The following CEP70 variants were observed in gnomAD, a reference collection of about 807,000 sequenced individuals.
CEP70 encodes centrosomal protein 70.
CEP70 carries 70 observed loss-of-function variants against 90.9 expected under a neutral mutation model. That is an observed-to-expected ratio of 0.77 (90% CI 0.64 to 0.94). The LOEUF (loss-of-function observed/expected upper bound fraction) is 0.94. CEP70 is among the 40% of genes least tolerant of loss of function. The probability of loss-of-function intolerance (pLI) is 0.00; values close to 1 mark genes in which losing one functional copy is unlikely to be tolerated. For missense variants in CEP70, 648 were observed against 669.0 expected, an observed-to-expected ratio of 0.97 and a Z score of 0.35; for synonymous variants, 220 against 228.3, an observed-to-expected ratio of 0.96 and a Z score of 0.33.
chr3:138,548,592 C>T (rs944262655), intron 6 of CEP70, among the ~76,000 whole-genome samples: 3 of 152,178 alleles, frequency 2.0e-5, no homozygotes, highest in Non-Finnish European at 2.9e-5. Flanking sequence ...TTTTAAAATA[C>T]TATTCCCTGC....
In CEP70 at chr3:138,536,538, A is replaced by G. The variant is rs56055821; in HGVS notation, c.635+640T>C. Among the ~76,000 whole-genome samples the G allele has an allele frequency of 4.4e-3, 676 of 152,154 alleles. 2 individuals are homozygous for G. Among genetic ancestry groups the G allele is most frequent in the African/African-American group, 0.016 (653 of 41,564 alleles). ...TACATAGTGGAATATATTAATATCA[A>G]AGAAAGCTGCCCAGAAATTTAAATC... On this transcript the variant is annotated intron_variant, in intron 7 of 17. Coordinates refer to ENST00000264982, the MANE Select transcript of CEP70 (RefSeq NM_024491.4).
chr3:138,556,575 G>A (rs941504722), intron 6 of CEP70, among the ~76,000 whole-genome samples: 7 of 145,612 alleles, frequency 4.8e-5, no homozygotes, highest in Non-Finnish European at 7.5e-5. Flanking sequence ...ACCTGCCCCC[G>A]ACAGTCACGT....
chr3:138,495,180 C>A (rs2033878197), intron 17 of CEP70, 104 bp from the exon 18 acceptor site: 1 of 638,424 alleles, frequency 1.6e-6, no homozygotes, highest in Non-Finnish European at 2.8e-6. Context: ...AACATAAAGG[C>A]AATAATACTG....
chr3:138,549,275 T>C lies in CEP70; in HGVS notation c.466-11928A>G, dbSNP rs562196007. On this transcript the variant is annotated intron_variant, in intron 6 of 17. Transcript: ENST00000264982. The stretch of plus-strand genomic sequence containing the variant: ...GGGAGGCACGGAAGCCCTGCTGGCT[T>C]TCTCAGCTGGGAGGCTGGTAGCCTG... Among the ~76,000 whole-genome samples, 4 of 151,706 alleles carry C rather than the reference T, an allele frequency of 2.6e-5. No individual in the cohort carries two copies. The East Asian group carries it at 7.8e-4, about 29-fold the overall frequency.
At chr3:138,575,907 A>G (rs934479562) in intron 2 of CEP70, among the ~76,000 whole-genome samples, 1 of 152,204 alleles carries the variant, frequency 6.6e-6, no homozygotes, top group Non-Finnish European at 1.5e-5. Context: ...ATGCAAAGAG[A>G]TTGTGTCACC....
intron 2 of CEP70, among the ~76,000 whole-genome samples, chr3:138,582,192 G>C (rs948391905): frequency 1.3e-5 from 2 of 152,156 alleles, no homozygotes; most frequent in African/African-American, 4.8e-5. Context: ...AGTACACAGA[G>C]TCTGGGCACA....
intron 2 of CEP70, among the ~76,000 whole-genome samples, chr3:138,576,691 C>A (rs1448157656): frequency 6.6e-6 from 1 of 152,184 alleles, no homozygotes; most frequent in Admixed American, 6.5e-5. Flanking sequence ...AAATTGACCA[C>A]TTAGTTGGAA....
intron 2 of CEP70, among the ~76,000 whole-genome samples, chr3:138,589,655 C>A (rs1421026474): frequency 6.6e-6 from 1 of 151,254 alleles, no homozygotes; most frequent in Non-Finnish European, 1.5e-5. Flanking sequence ...AAGACTGTAT[C>A]TCAAAAAGAA....
At chr3:138,571,471 A>T (rs1019990482) in intron 3 of CEP70, 115 bp from the exon 4 acceptor site, 13 of 703,044 alleles carry the variant, frequency 1.8e-5, no homozygotes, top group Non-Finnish European at 2.9e-5. Context: ...AGTTTTAAGT[A>T]TAAATGTTTA....
In CEP70 at chr3:138,549,231, T is replaced by C. The variant is rs80117935; in HGVS notation, c.466-11884A>G. Among the ~76,000 whole-genome samples, 653 of 151,360 alleles carry C rather than the reference T, an allele frequency of 4.3e-3. 6 individuals are homozygous for C. Among genetic ancestry groups the C allele is most frequent in the Middle Eastern group, 0.041 (12 of 294 alleles). On this transcript the variant is annotated intron_variant, in intron 6 of 17. Coordinates refer to ENST00000264982, the MANE Select transcript of CEP70 (RefSeq NM_024491.4). ...AACTCGGGGAAGGGCATGAATCTAG[T>C]GTGCAGATTTGAGAAGCGGGGAGGC... is the stretch of plus-strand genomic sequence containing the variant.
At chr3:138,520,211 T>TA (rs2036480087) in intron 11 of CEP70, among the ~76,000 whole-genome samples, 1 of 152,144 alleles carries the variant, frequency 6.6e-6, no homozygotes, top group South Asian at 2.1e-4. Context: ...CAAAGAGACT[T>TA]AGACTCCCAC....
intron 2 of CEP70, among the ~76,000 whole-genome samples, chr3:138,582,218 A>T (rs1204034248): frequency 1.3e-5 from 2 of 152,242 alleles, no homozygotes; most frequent in African/African-American, 4.8e-5. Context: ...TCATGCCTGT[A>T]ATCTCAGCAC....
intron 11 of CEP70, among the ~76,000 whole-genome samples, chr3:138,522,581 G>A (rs1280267166): frequency 1.3e-5 from 2 of 152,156 alleles, no homozygotes; most frequent in African/African-American, 4.8e-5. Flanking sequence ...TACCATCGGA[G>A]AATACTATAA....
chr3:138,544,261 A>G (rs1259513887), intron 6 of CEP70, among the ~76,000 whole-genome samples: 1 of 152,178 alleles, frequency 6.6e-6, no homozygotes, highest in East Asian at 1.9e-4. Flanking sequence ...CCAAAAAAGA[A>G]GAAAATCACT....
In CEP70 at chr3:138,546,947, C is replaced by A. The variant is rs1359416538; in HGVS notation, c.466-9600G>T. 2.6e-5 allele frequency among the ~76,000 whole-genome samples: 4 copies of A among 152,180 alleles called. No individual in the cohort carries two copies. The South Asian group carries it at 6.2e-4, about 24-fold the overall frequency. On this transcript the variant is annotated intron_variant, in intron 6 of 17. Coordinates refer to ENST00000264982, the MANE Select transcript of CEP70 (RefSeq NM_024491.4). Reference sequence around the variant, plus strand: ...TGGTGTAATGTTTGCTGAGACTTAGCAACCCTCAGAGGAAAAAAGGTTCTC... The same window carrying A: ...TGGTGTAATGTTTGCTGAGACTTAGAAACCCTCAGAGGAAAAAAGGTTCTC...
chr3:138,542,613 G>A (rs1444596213), intron 6 of CEP70, among the ~76,000 whole-genome samples: 2 of 152,196 alleles, frequency 1.3e-5, no homozygotes, highest in Non-Finnish European at 2.9e-5. Context: ...GAGGGTGGGA[G>A]GCCTATGATG....
rs1477921300 is a variant in CEP70, at chr3:138,591,879, A to C, written c.-31T>G. The C allele has an allele frequency of 1.6e-5, 24 of 1,515,542 alleles. No individual in the cohort carries two copies. Among genetic ancestry groups the C allele is most frequent in the Admixed American group, 2.1e-5 (1 of 47,392 alleles). 93.9% of individuals were successfully genotyped at this position (1,515,542 alleles called of 1,614,324 possible). A position where few individuals can be genotyped will look rare whatever the true frequency, so the allele number is the denominator to read the frequency against. ...CTCAGTCATAGCATATTACTCTTGCACTTTACACCTGGTCATTCAGGTTGA... is the reference window on the plus strand; with the variant it reads ...CTCAGTCATAGCATATTACTCTTGCCCTTTACACCTGGTCATTCAGGTTGA... On this transcript the variant is annotated 5_prime_UTR_variant, in exon 2 of 18. Transcript: ENST00000264982.
At chr3:138,532,914 A>G (rs58886826) in intron 7 of CEP70, among the ~76,000 whole-genome samples, 7,312 of 152,326 alleles carry the variant, frequency 0.048, 565 homozygotes, top group African/African-American at 0.16. Context: ...ACCATTATTT[A>G]AGAGTGAAAA....
rs531973201 is a variant in CEP70 at position 138,508,729 on chromosome 3, A to T, written c.945-185T>A. On this transcript the variant is annotated intron_variant, in intron 11 of 17. Transcript: ENST00000264982. ...CATACATATATGCATATATAGAGTT[A>T]AAAAAAATTTTTTTTTTTTTTTGAG... Among the ~76,000 whole-genome samples the T allele has an allele frequency of 4.7e-3, 719 of 151,652 alleles. 4 individuals are homozygous for T. Among genetic ancestry groups the T allele is most frequent in the African/African-American group, 0.017 (690 of 41,176 alleles).
Sources: gnomAD v4.1 joint callset for allele counts (sites outside exome capture counted in the v4.1 genomes callset) on GRCh38, gnomAD v4.1.1 for gene constraint, MANE v1.5 for transcripts, NCBI Gene and HGNC (gene_info 2026-07-23, HGNC 2026-07-21) for gene names.